Variants in TTC7B observed in about 807,000 individuals in gnomAD.
TTC7B encodes tetratricopeptide repeat domain 7B, also known as tetratricopeptide repeat protein 7B.
In TTC7B, 28 loss-of-function variants were observed where a neutral mutation model predicts 106.8. That is an observed-to-expected ratio of 0.26 (90% CI 0.19 to 0.36). The LOEUF is 0.36. TTC7B is among the 10% of genes least tolerant of loss of function. TTC7B has a pLI of 1.00. For missense variants in TTC7B, 862 were observed against 1,076.4 expected (o/e 0.80, Z 2.79); for synonymous variants, 405 against 430.6 (o/e 0.94, Z 0.74).
intron 1 of TTC7B, among the ~76,000 whole-genome samples, chr14:90,788,055 C>T (rs577387179): frequency 1.4e-5 from 2 of 144,660 alleles, no homozygotes; most frequent in South Asian, 4.5e-4. Flanking sequence ...ATCCCAGCTA[C>T]TAGGGAGGCT....
At chr14:90,776,021 T>C (rs1451129680) in intron 3 of TTC7B, among the ~76,000 whole-genome samples, 1 of 152,074 alleles carries the variant, frequency 6.6e-6, no homozygotes, top group African/African-American at 2.4e-5. Flanking sequence ...CAGAGATAGG[T>C]GCTTACTTTC....
Position 90,540,264 on chromosome 14 carries a change from A to C in TTC7B, c.*1104T>G, listed in dbSNP as rs1333196105. On this transcript the variant is annotated 3_prime_UTR_variant, in exon 20 of 20. Transcript: ENST00000328459. Reference sequence around the variant, plus strand: ...CACAGTGAGATCCCGTCTCTACAAAAACAAACAAACAAAATTAGCCGGGCA... The same window carrying C: ...CACAGTGAGATCCCGTCTCTACAAACACAAACAAACAAAATTAGCCGGGCA... 1 of 152,156 alleles carries C rather than the reference A, an allele frequency of 6.6e-6. No homozygotes were observed. Among genetic ancestry groups the C allele is most frequent in the Non-Finnish European group, 1.5e-5 (1 of 68,056 alleles). 9.4% of individuals were successfully genotyped at this position (152,156 alleles called of 1,614,324 possible). A position where few individuals can be genotyped will look rare whatever the true frequency, so the allele number is the denominator to read the frequency against.
rs190902789 is a variant in TTC7B at position 90,662,969 on chromosome 14, G to A, written c.1153-4582C>T. ...CTTTGTGAAATGTTTCCTCATTTTAGAAAAGGATTCAATCTGAGACCCTTG... is the reference window on the plus strand; with the variant it reads ...CTTTGTGAAATGTTTCCTCATTTTAAAAAAGGATTCAATCTGAGACCCTTG... On this transcript the variant is annotated intron_variant, in intron 9 of 19. Coordinates refer to ENST00000328459, the MANE Select transcript of TTC7B (RefSeq NM_001010854.2). 1.9e-3 allele frequency among the ~76,000 whole-genome samples: 293 copies of A among 152,224 alleles called. 1 individual carries two copies. Among genetic ancestry groups the A allele is most frequent in the African/African-American group, 6.9e-3 (286 of 41,520 alleles).
chr14:90,668,347 G>C (rs1423019619), intron 9 of TTC7B, among the ~76,000 whole-genome samples: 2 of 152,174 alleles, frequency 1.3e-5, no homozygotes, highest in East Asian at 3.9e-4. Context: ...TAGGAGCTCA[G>C]AGTAGCCAAG....
At chr14:90,677,914 A>G in intron 8 of TTC7B, 1 of 425,804 alleles carries the variant, frequency 2.3e-6, no homozygotes, top group Non-Finnish European at 4.6e-6. Flanking sequence ...TTACGGAAAC[A>G]AGCCTGCTTT....
intron 18 of TTC7B, among the ~76,000 whole-genome samples, chr14:90,580,938 TG>T (rs1347515042): frequency 2.0e-5 from 3 of 152,164 alleles, no homozygotes; most frequent in African/African-American, 7.2e-5. Context: ...CTGTGGTTAG[TG>T]GCGATGCTGC....
chr14:90,647,436 A>C (rs1885510328), intron 13 of TTC7B: 1 of 156,810 alleles, frequency 6.4e-6, no homozygotes, highest in African/African-American at 2.4e-5. Context: ...GGCCTTCCTT[A>C]ATGCTACTTT....
chr14:90,624,225 A>G lies in TTC7B; in HGVS notation c.1752-6180T>C, dbSNP rs1884341312. Among the ~76,000 whole-genome samples the G allele has an allele frequency of 6.6e-6, 1 of 152,258 alleles. No individual in the cohort carries two copies. The highest frequency in any genetic ancestry group is 6.5e-5 in the Admixed American group (1 of 15,284). On this transcript the variant is annotated intron_variant, in intron 15 of 19. Coordinates refer to ENST00000328459, the MANE Select transcript of TTC7B (RefSeq NM_001010854.2). This position sits in a 1 kb window ranked among gnomAD's most constrained non-coding sequence, Gnocchi z 4.0. ...AAAGTTTTACTTTTCATTAAAACAA[A>G]TAGAAATACTATTTTACTGTACTTC...
chr14:90,606,706 G>T (rs1015793557), intron 17 of TTC7B, among the ~76,000 whole-genome samples: 1 of 152,150 alleles, frequency 6.6e-6, no homozygotes, highest in South Asian at 2.1e-4. Context: ...TGTTCTATAA[G>T]GGGGGCTATT....
intron 6 of TTC7B, among the ~76,000 whole-genome samples, chr14:90,690,581 C>G (rs1402130317): frequency 6.6e-6 from 1 of 152,020 alleles, no homozygotes; most frequent in Non-Finnish European, 1.5e-5. Context: ...CTTCCAGTAA[C>G]AAAGAAGAGG....
intron 19 of TTC7B, among the ~76,000 whole-genome samples, chr14:90,546,239 C>G (rs1238584245): frequency 1.3e-5 from 2 of 152,248 alleles, no homozygotes; most frequent in African/African-American, 2.4e-5. Flanking sequence ...TGACACACCA[C>G]CCAAGCCCCA....
At chr14:90,609,620 G>A (rs1376740355) in intron 17 of TTC7B, among the ~76,000 whole-genome samples, 3 of 152,162 alleles carry the variant, frequency 2.0e-5, no homozygotes, top group South Asian at 2.1e-4. Flanking sequence ...AAATAACCTC[G>A]TGGTCCCTGT....
At position 90,757,859 on chromosome 14, in the gene TTC7B, C is replaced by T. The variant is rs1242887447; in HGVS notation, c.446-12937G>A. Reference sequence around the variant, plus strand: ...CTTATGACCAGGAATTTTCGGTCCACGAAAAATATGACGTACTTCAATTCC... The same window carrying T: ...CTTATGACCAGGAATTTTCGGTCCATGAAAAATATGACGTACTTCAATTCC... On this transcript the variant is annotated intron_variant, in intron 3 of 19. Coordinates refer to ENST00000328459, the MANE Select transcript of TTC7B (RefSeq NM_001010854.2). This position sits in a 1 kb window ranked among gnomAD's most constrained non-coding sequence, Gnocchi z 4.1. Among the ~76,000 whole-genome samples, 2 of 152,272 alleles carry T rather than the reference C, an allele frequency of 1.3e-5. No individual in the cohort carries two copies. Among genetic ancestry groups the T allele is most frequent in the South Asian group, 2.1e-4 (1 of 4,828 alleles).
intron 5 of TTC7B, among the ~76,000 whole-genome samples, chr14:90,710,668 A>G (rs1266218481): frequency 1.3e-5 from 2 of 152,246 alleles, no homozygotes; most frequent in Non-Finnish European, 2.9e-5. Flanking sequence ...GTCAGCAGGT[A>G]TTAACATCAA....
In TTC7B at chr14:90,527,254, T is replaced by C. The variant is rs932510271; in HGVS notation, c.*14114A>G. 6 of 152,156 alleles carry C rather than the reference T, an allele frequency of 3.9e-5. No individual in the cohort carries two copies. Among genetic ancestry groups the C allele is most frequent in the Admixed American group, 1.3e-4 (2 of 15,266 alleles). The allele number at this position is 152,156 out of a possible 1,614,324, so 9.4% of individuals were successfully genotyped here. A position where few individuals can be genotyped will look rare whatever the true frequency, so the allele number is the denominator to read the frequency against. On this transcript the variant is annotated 3_prime_UTR_variant, in exon 20 of 20. Transcript: ENST00000328459. ...AAGGTGATGTCCTGCCAGGTTTCTCTGTGGTAATGTTACTATTTTTCCTAT... is the reference window on the plus strand; with the variant it reads ...AAGGTGATGTCCTGCCAGGTTTCTCCGTGGTAATGTTACTATTTTTCCTAT...
intron 4 of TTC7B, among the ~76,000 whole-genome samples, chr14:90,737,546 GTTTTTTTTTTTTTTT>G (rs71461922): frequency 1.1e-5 from 1 of 91,750 alleles, no homozygotes; most frequent in Non-Finnish European, 2.2e-5. Context: ...GTATGATTCT[GTTTTTTTTTTTTTTT>G]TTTTTTTTTT....
chr14:90,581,862 G>A (rs1211921634), intron 18 of TTC7B, among the ~76,000 whole-genome samples: 2 of 152,110 alleles, frequency 1.3e-5, no homozygotes, highest in South Asian at 2.1e-4. Flanking sequence ...TGATGTTCTC[G>A]CTCCCTTCAC....
chr14:90,677,937 T>G, intron 8 of TTC7B: 1 of 401,868 alleles, frequency 2.5e-6, no homozygotes, highest in South Asian at 1.9e-5. Context: ...AAGATTTCAT[T>G]CTAAGTTTTT....
intron 1 of TTC7B, among the ~76,000 whole-genome samples, chr14:90,811,257 C>T (rs1185020900): frequency 1.3e-5 from 2 of 152,226 alleles, no homozygotes; most frequent in Non-Finnish European, 2.9e-5. Context: ...AAGACTGGCC[C>T]AGAAAGGCCA....
Sources: allele counts gnomAD v4.1 joint callset (sites outside exome capture counted in the v4.1 genomes callset), GRCh38; gene constraint gnomAD v4.1.1; non-coding constraint Gnocchi (gnomAD v3.1); transcripts MANE v1.5; gene names NCBI Gene and HGNC (gene_info 2026-07-23, HGNC 2026-07-21).